ITPRIPL1: variants seen among roughly 807,000 people sequenced by gnomAD.
ITPRIPL1 encodes the protein ITPRIP like 1, also known as inositol 1,4,5-trisphosphate receptor-interacting protein-like 1.
In ITPRIPL1, 28 loss-of-function variants were observed where a neutral mutation model predicts 40.0. The ratio of observed to expected loss-of-function variants is 0.70; its 90% CI spans 0.52 to 0.96. ITPRIPL1 has a LOEUF of 0.96. Ranked by LOEUF, ITPRIPL1 falls within the 40% of genes least tolerant of loss-of-function variation. The pLI is 0.00. For missense variants in ITPRIPL1, 638 were observed against 698.0 expected (o/e 0.91, Z 0.97); for synonymous variants, 251 against 275.7 (o/e 0.91, Z 0.89).
chr2:96,329,189 ATATATC>A (rs1246787207), downstream of ITPRIPL1: 30 of 113,616 alleles, frequency 2.6e-4, no homozygotes, highest in African/African-American at 8.4e-4. Flanking sequence ...ATATATATAT[ATATATC>A]TCCAAGATGT....
At position 96,325,970 on chromosome 2, in the gene ITPRIPL1, CAG is replaced by C. The variant is rs1289020143; in HGVS notation, c.10+123_10+124del. 4 of 1,229,508 alleles carry C rather than the reference CAG, an allele frequency of 3.3e-6. No individual in the cohort carries two copies. In the African/African-American group the frequency reaches 5.9e-5, roughly 18 times the overall value. The allele number at this position is 1,229,508 out of a possible 1,614,324, so 76.2% of individuals were successfully genotyped here. A position where few individuals can be genotyped will look rare whatever the true frequency, so the allele number is the denominator to read the frequency against. On this transcript the variant is annotated intron_variant, in intron 2 of 2. Coordinates refer to ENST00000439118, the MANE Select transcript of ITPRIPL1 (RefSeq NM_001008949.3). ...GGTAGGCCTTGGGCACCTGGTTCTG[CAG>C]ACAGTTTTCTGAACTAAGAAGTGAA... is the stretch of plus-strand genomic sequence containing the variant.
At chr2:96,330,411 G>A (rs2064151643), downstream of ITPRIPL1, 1 of 152,052 alleles carries the variant, frequency 6.6e-6, no homozygotes, top group Admixed American at 6.6e-5. Context: ...CCTGCTGATG[G>A]GATTTTGGTG....
In ITPRIPL1 at chr2:96,325,544, C is replaced by A; in HGVS notation, c.-115C>A. On this transcript the variant is annotated 5_prime_UTR_variant, in exon 1 of 3. It introduces an in-frame stop codon into an upstream open reading frame of the 5' UTR. Coordinates refer to ENST00000439118, the MANE Select transcript of ITPRIPL1 (RefSeq NM_001008949.3). ...TCAGGCCGCGCTGTCTCTTTAAGAT[C>A]GTGTTCCTACTAACACTGACGGTGA... The A allele has an allele frequency of 1.9e-6, 1 of 536,802 alleles. No individual in the cohort carries two copies. The highest frequency in any genetic ancestry group is 3.2e-5 in the Admixed American group (1 of 31,312). The allele number at this position is 536,802 out of a possible 1,614,324, so 33.3% of individuals were successfully genotyped here.
intron 2 of ITPRIPL1, 149 bp downstream of exon 2, chr2:96,325,998 G>A (rs763459547): frequency 1.8e-5 from 20 of 1,125,154 alleles, no homozygotes; most frequent in Non-Finnish European, 2.6e-5. Context: ...AAGAAGTGAA[G>A]CTAGCCTGCC....
intron 2 of ITPRIPL1, chr2:96,326,075 T>C (rs2064103697): frequency 3.3e-6 from 4 of 1,221,034 alleles, no homozygotes; most frequent in South Asian, 2.8e-5. Flanking sequence ...CTGGCGGCAC[T>C]GTGCCTCTCT....
downstream of ITPRIPL1, chr2:96,330,247 C>CAAAAAAAAAAAA (rs57831992): frequency 1.3e-4 from 3 of 23,130 alleles, no homozygotes; most frequent in Non-Finnish European, 2.1e-4. Flanking sequence ...GACCGCGTCT[C>CAAAAAAAAAAAA]AAAAAAAAAA....
Position 96,325,535 on chromosome 2 carries a change from C to G in ITPRIPL1, c.-124C>G, listed in dbSNP as rs2064097734. ...CAGTGGCGGTCAGGCCGCGCTGTCT[C>G]TTTAAGATCGTGTTCCTACTAACAC... On this transcript the variant is annotated 5_prime_UTR_variant, in exon 1 of 3. Coordinates refer to ENST00000439118, the MANE Select transcript of ITPRIPL1 (RefSeq NM_001008949.3). 2 of 518,450 alleles carry G rather than the reference C, an allele frequency of 3.9e-6. No individual in the cohort carries two copies. Among genetic ancestry groups the G allele is most frequent in the South Asian group, 2.2e-5 (1 of 46,048 alleles). The allele number at this position is 518,450 out of a possible 1,614,324, so 32.1% of individuals were successfully genotyped here.
chr2:96,325,752 C>CT lies in ITPRIPL1; in HGVS notation c.-87dup, dbSNP rs1304658775. The CT allele has an allele frequency of 2.2e-6, 3 of 1,386,932 alleles. No homozygotes were observed. The highest frequency in any genetic ancestry group is 3.1e-6 in the Non-Finnish European group (3 of 973,410). 85.9% of individuals were successfully genotyped at this position (1,386,932 alleles called of 1,614,324 possible). A position where few individuals can be genotyped will look rare whatever the true frequency, so the allele number is the denominator to read the frequency against. On this transcript the variant is annotated 5_prime_UTR_variant, in exon 2 of 3. Transcript: ENST00000439118. Reference sequence around the variant, plus strand: ...TACCTTGTACATTTTAACAGGGCTCCTAGAGAGGGCGGGGAGACGAAGCAA... The same window carrying CT: ...TACCTTGTACATTTTAACAGGGCTCCTTAGAGAGGGCGGGGAGACGAAGCAA...
chr2:96,328,281 A>G lies in ITPRIPL1; in HGVS notation c.1650A>G (p.Pro550=). 6.2e-7 allele frequency: 1 copy of G among 1,612,532 alleles called. No individual in the cohort carries two copies. Among genetic ancestry groups the G allele is most frequent in the African/African-American group, 1.3e-5 (1 of 74,880 alleles). The part of the protein sequence containing the change: ...LTQVKTLPHA[P]LAAAP ...AGGTGAAAACTCTGCCTCATGCCCC[A>G]CTGGCTGCAGCACCTTGATGTAAAG... Residue 550 remains proline, a synonymous_variant, in exon 3 of 3, where the codon CCA becomes CCG. Coordinates refer to ENST00000439118, the MANE Select transcript of ITPRIPL1 (RefSeq NM_001008949.3).
In ITPRIPL1 at chr2:96,325,759, G is replaced by A; in HGVS notation, c.-81G>A. On this transcript the variant is annotated 5_prime_UTR_variant, in exon 2 of 3. Transcript: ENST00000439118. ...TACATTTTAACAGGGCTCCTAGAGAGGGCGGGGAGACGAAGCAAGGCCAAG... is the reference window on the plus strand; with the variant it reads ...TACATTTTAACAGGGCTCCTAGAGAAGGCGGGGAGACGAAGCAAGGCCAAG... The A allele has an allele frequency of 1.4e-6, 2 of 1,442,348 alleles. No individual in the cohort carries two copies. The highest frequency in any genetic ancestry group is 2.3e-5 in the South Asian group (2 of 87,570). The allele number at this position is 1,442,348 out of a possible 1,614,324, so 89.3% of individuals were successfully genotyped here. A position where few individuals can be genotyped will look rare whatever the true frequency, so the allele number is the denominator to read the frequency against.
In ITPRIPL1 at chr2:96,326,070, G is replaced by A. The variant is rs925767511; in HGVS notation, c.10+221G>A. On this transcript the variant is annotated intron_variant, in intron 2 of 2. Coordinates refer to ENST00000439118, the MANE Select transcript of ITPRIPL1 (RefSeq NM_001008949.3). Reference sequence around the variant, plus strand: ...GAGGGCACCGTAGCAAGCAGCTGGCGGCACTGTGCCTCTCTTGCGCTCCCT... The same window carrying A: ...GAGGGCACCGTAGCAAGCAGCTGGCAGCACTGTGCCTCTCTTGCGCTCCCT... 3.0e-5 allele frequency: 35 copies of A among 1,179,252 alleles called. No individual in the cohort carries two copies. The East Asian group carries it at 3.9e-4, about 13-fold the overall frequency. 73.0% of individuals were successfully genotyped at this position (1,179,252 alleles called of 1,614,324 possible).
intron 2 of ITPRIPL1, 29 bp downstream of exon 2, chr2:96,325,878 G>T: frequency 6.2e-7 from 1 of 1,612,808 alleles, no homozygotes; most frequent in South Asian, 1.1e-5. Flanking sequence ...GAATTAGGGT[G>T]AGTGGCAGAA....
rs1475184202 is a variant in ITPRIPL1 at position 96,327,354 on chromosome 2, T to C, written c.723T>C (p.Ile241=). 2 of 1,614,056 alleles carry C rather than the reference T, an allele frequency of 1.2e-6. No homozygotes were observed. The highest frequency in any genetic ancestry group is 8.5e-7 in the Non-Finnish European group (1 of 1,180,040). ...ETQKFDILVP[I]VPPQGTMFVL... ...AGAAATTTGATATCCTGGTGCCCAT[T>C]GTCCCCCCACAGGGCACCATGTTTG... The change falls in exon 3 of 3, where the codon ATT becomes ATC. Residue 241 remains isoleucine, a synonymous_variant. Transcript: ENST00000439118.
At position 96,328,139 on chromosome 2, in the gene ITPRIPL1, C is replaced by A; in HGVS notation, c.1508C>A (p.Thr503Asn). 1 of 1,614,058 alleles carries A rather than the reference C, an allele frequency of 6.2e-7. No individual in the cohort carries two copies. Among genetic ancestry groups the A allele is most frequent in the Non-Finnish European group, 8.5e-7 (1 of 1,180,012 alleles). Residue 503 changes from threonine (T) to asparagine (N), a missense_variant, in exon 3 of 3, where the codon ACC becomes AAC. By Grantham distance (65) the Thr-to-Asn change is moderately conservative (BLOSUM62 0). Coordinates refer to ENST00000439118, the MANE Select transcript of ITPRIPL1 (RefSeq NM_001008949.3). ...FLIGNNFLPLTIPIPKTFRNA... is the reference protein window; with the variant it reads ...FLIGNNFLPLNIPIPKTFRNA... ...ATTGGTAACAATTTTCTGCCCCTGA[C>A]CATCCCAATCCCTAAGACATTTAGG...
downstream of ITPRIPL1, chr2:96,329,762 G>A (rs2064147974): frequency 6.6e-6 from 1 of 152,052 alleles, no homozygotes; most frequent in South Asian, 2.1e-4. Context: ...CTGAGGAGGA[G>A]TGTTAAGAAA....
downstream of ITPRIPL1, chr2:96,328,384 G>A: frequency 1.4e-6 from 2 of 1,385,008 alleles, no homozygotes; most frequent in South Asian, 1.4e-5. Flanking sequence ...ATATATCAGT[G>A]GTATATGTGA....
At position 96,328,176 on chromosome 2, in the gene ITPRIPL1, G is replaced by A. The variant is rs140378427; in HGVS notation, c.1545G>A (p.Pro515=). 99 of 1,613,990 alleles carry A rather than the reference G, an allele frequency of 6.1e-5. No individual in the cohort carries two copies. Among genetic ancestry groups the A allele is most frequent in the African/African-American group, 5.7e-4 (43 of 74,980 alleles). Residue 515 remains proline (P), a synonymous_variant, in exon 3 of 3, where the codon CCG becomes CCA. Coordinates refer to ENST00000439118, the MANE Select transcript of ITPRIPL1 (RefSeq NM_001008949.3). ...CTAAGACATTTAGGAATGCTGAGCC[G>A]GTCAATCTCTTCCAACACCTGGTGC... The part of the protein sequence containing the change: ...PIPKTFRNAE[P]VNLFQHLVLN...
rs141755021 is a variant in ITPRIPL1 at position 96,327,771 on chromosome 2, G to A, written c.1140G>A (p.Val380=). The A allele has an allele frequency of 8.1e-6, 13 of 1,613,942 alleles. No homozygotes were observed. In the South Asian group the frequency reaches 8.8e-5, roughly 11 times the overall value. The change falls in exon 3 of 3, where the codon GTG becomes GTA. Residue 380 remains valine (V), a synonymous_variant. Coordinates refer to ENST00000439118, the MANE Select transcript of ITPRIPL1 (RefSeq NM_001008949.3). ...GAGAAGACACCTTGGTCTACCTGGT[G>A]AGTCAGGCTCCTGACCAGGAGCAGC... ...VQREDTLVYL[V]SQAPDQEQLT...
chr2:96,328,125 T>C lies in ITPRIPL1; in HGVS notation c.1494T>C (p.Asn498=), dbSNP rs2104391173. ...RSLHHFLIGN[N]FLPLTIPIPK... ...TCCATCATTTCCTCATTGGTAACAA[T>C]TTTCTGCCCCTGACCATCCCAATCC... The change falls in exon 3 of 3, where the codon AAT becomes AAC. Residue 498 remains asparagine (N), a synonymous_variant. Coordinates refer to ENST00000439118, the MANE Select transcript of ITPRIPL1 (RefSeq NM_001008949.3). The C allele has an allele frequency of 1.9e-6, 3 of 1,614,014 alleles. No homozygotes were observed. Among genetic ancestry groups the C allele is most frequent in the East Asian group, 4.5e-5 (2 of 44,876 alleles).
Sources: allele counts gnomAD v4.1 joint callset, GRCh38; gene constraint gnomAD v4.1.1; transcripts MANE v1.5; gene names NCBI Gene and HGNC (gene_info 2026-07-23, HGNC 2026-07-21).